Variants in DOCK11 observed in about 807,000 individuals in gnomAD.
DOCK11 encodes dedicator of cytokinesis 11.
In DOCK11, 70 loss-of-function variants were observed where a neutral mutation model predicts 169.1. That is an observed-to-expected ratio of 0.41 (90% confidence interval 0.34 to 0.51). The LOEUF is 0.51. DOCK11 is among the 20% of genes least tolerant of loss of function. The pLI is 0.10. For missense variants in DOCK11, 1,166 were observed against 1,538.8 expected, an observed-to-expected ratio of 0.76 and a Z score of 4.05; for synonymous variants, 529 against 541.3, an observed-to-expected ratio of 0.98 and a Z score of 0.32.
chrX:118,501,553 A>G lies in DOCK11; in HGVS notation c.102+5480A>G, dbSNP rs1381918020. The stretch of plus-strand genomic sequence containing the variant: ...CACAGTTCAAGTGCTCAATAGCCAC[A>G]TGTGGCTAGTGGCTACTATATTGGA... On this transcript the variant is annotated intron_variant, in intron 1 of 52. Coordinates refer to ENST00000276202, the MANE Select transcript of DOCK11 (RefSeq NM_144658.4). Among the ~76,000 whole-genome samples, 3 of 112,233 alleles carry G rather than the reference A, an allele frequency of 2.7e-5. No individual in the cohort carries two copies. The East Asian group carries it at 8.3e-4, about 31-fold the overall frequency.
chrX:118,500,682 G>A (rs1413899004), intron 1 of DOCK11, among the ~76,000 whole-genome samples: 2 of 110,738 alleles, frequency 1.8e-5, no homozygotes, highest in Admixed American at 9.6e-5. Flanking sequence ...GTGCAGTGGT[G>A]TAATCATGGC....
rs187810885 is a variant in DOCK11, at chrX:118,499,095, A to C, written c.102+3022A>C. ...GAGGGGATTGGGGAGAAACATTATA[A>C]CCTGAGAGTGTATGTGATTAAGAGA... is the stretch of plus-strand genomic sequence containing the variant. On this transcript the variant is annotated intron_variant, in intron 1 of 52. Coordinates refer to ENST00000276202, the MANE Select transcript of DOCK11 (RefSeq NM_144658.4). Among the ~76,000 whole-genome samples, 64 of 112,160 alleles carry C rather than the reference A, an allele frequency of 5.7e-4. No individual in the cohort carries two copies. The East Asian group carries it at 0.015, about 26-fold the overall frequency.
intron 1 of DOCK11, among the ~76,000 whole-genome samples, chrX:118,533,701 T>C (rs376264629): frequency 8.9e-6 from 1 of 112,608 alleles, no homozygotes; most frequent in East Asian, 2.8e-4. Context: ...ACCTATAGAA[T>C]GCCTGTGCAC....
intron 1 of DOCK11, among the ~76,000 whole-genome samples, chrX:118,532,068 AT>A (rs900092975): frequency 1.8e-5 from 2 of 109,200 alleles, no homozygotes; most frequent in African/African-American, 6.7e-5. Flanking sequence ...GAATATAAAG[AT>A]TATAGATAGG....
intron 16 of DOCK11, among the ~76,000 whole-genome samples, chrX:118,586,490 GA>G (rs1293417149): frequency 1.8e-5 from 2 of 111,099 alleles, no homozygotes; most frequent in African/African-American, 6.6e-5. Flanking sequence ...CAGCATGGGG[GA>G]AACCGCCCCA....
chrX:118,659,140 G>T (rs1458239424), intron 44 of DOCK11, among the ~76,000 whole-genome samples: 1 of 110,620 alleles, frequency 9.0e-6, no homozygotes, highest in Non-Finnish European at 1.9e-5. Context: ...TCCTTCTTCT[G>T]ACTGGCCATC....
intron 39 of DOCK11, among the ~76,000 whole-genome samples, chrX:118,641,602 T>G (rs17326758): frequency 0.098 from 10,901 of 111,183 alleles, 477 homozygotes; most frequent in South Asian, 0.15. Context: ...CCAGCAATTT[T>G]TAGCCCAAAA....
At chrX:118,534,120 G>T (rs6646229) in intron 1 of DOCK11, among the ~76,000 whole-genome samples, 53,092 of 110,600 alleles carry the variant, frequency 0.48, 9,509 homozygotes, top group African/African-American at 0.63. Flanking sequence ...CCTCTTTTGT[G>T]TTACTTTTGA....
chrX:118,656,311 T>A (rs901236367), intron 44 of DOCK11, among the ~76,000 whole-genome samples: 22 of 105,692 alleles, frequency 2.1e-4, no homozygotes, highest in Admixed American at 9.9e-5. Context: ...ATAAATTTTT[T>A]AAAAAAGATT....
chrX:118,498,238 A>G (rs753293397), intron 1 of DOCK11, among the ~76,000 whole-genome samples: 218 of 112,578 alleles, frequency 1.9e-3, no homozygotes, highest in Middle Eastern at 9.2e-3. Context: ...TGCCACACAC[A>G]ATGCTAGATG....
chrX:118,683,441 T>G (rs1177373971), intron 52 of DOCK11, among the ~76,000 whole-genome samples: 2 of 112,169 alleles, frequency 1.8e-5, no homozygotes, highest in African/African-American at 3.2e-5. Flanking sequence ...AACCATTTTG[T>G]TTTTTGTGCT....
At chrX:118,587,650 C>T (rs775774039) in intron 16 of DOCK11, among the ~76,000 whole-genome samples, 207 of 111,190 alleles carry the variant, frequency 1.9e-3, no homozygotes, top group African/African-American at 6.5e-3. Context: ...GGTAACACAT[C>T]GTAAGATCAA....
At chrX:118,610,245 C>CT in intron 27 of DOCK11, 27 bp from the exon 28 acceptor site, 8 of 1,208,398 alleles carry the variant, frequency 6.6e-6, no homozygotes, top group Non-Finnish European at 8.9e-6. Flanking sequence ...GGAAGTCTGA[C>CT]TTTTTTCTGT....
chrX:118,600,275 C>T (rs2014292319), intron 23 of DOCK11, among the ~76,000 whole-genome samples: 1 of 110,483 alleles, frequency 9.1e-6, no homozygotes, highest in Admixed American at 9.7e-5. Context: ...GACGTGGTGG[C>T]ATACGCCTGT....
chrX:118,544,645 C>CTTTTTTTTTTTTTTT lies in DOCK11; in HGVS notation c.393-660_393-646dup, dbSNP rs1157804079. ...TGCAAGAGCCAGAATTACACTGTTG[C>CTTTTTTTTTTTTTTT]TTTTTTTTTTTTTTTTTTTTTTTTT... On this transcript the variant is annotated intron_variant, in intron 4 of 52. Coordinates refer to ENST00000276202, the MANE Select transcript of DOCK11 (RefSeq NM_144658.4). Among the ~76,000 whole-genome samples the CTTTTTTTTTTTTTTT allele has an allele frequency of 1.4e-3, 32 of 23,363 alleles. 6 individuals carry two copies. The highest frequency in any genetic ancestry group is 2.0e-3 in the African/African-American group (11 of 5,543). 20.3% of individuals were successfully genotyped at this position (23,363 alleles called of 115,157 possible). A position where few individuals can be genotyped will look rare whatever the true frequency, so the allele number is the denominator to read the frequency against.
At chrX:118,505,851 T>TA (rs2057607642) in intron 1 of DOCK11, among the ~76,000 whole-genome samples, 1 of 112,482 alleles carries the variant, frequency 8.9e-6, no homozygotes, top group Non-Finnish European at 1.9e-5. Flanking sequence ...CAGAAGCACT[T>TA]ACCTTTATGC....
rs754844878 is a variant in DOCK11, at chrX:118,583,612, T to C, written c.1596-1123T>C. Reference sequence around the variant, plus strand: ...TAGCAGCAGAATAGTTGCTTAAAAATGGGAGAAGAGGAGGGGAAGGGAATA... The same window carrying C: ...TAGCAGCAGAATAGTTGCTTAAAAACGGGAGAAGAGGAGGGGAAGGGAATA... On this transcript the variant is annotated intron_variant, in intron 14 of 52. Coordinates refer to ENST00000276202, the MANE Select transcript of DOCK11 (RefSeq NM_144658.4). 3.6e-5 allele frequency among the ~76,000 whole-genome samples: 4 copies of C among 110,601 alleles called. No homozygotes were observed. The South Asian group carries it at 1.5e-3, about 43-fold the overall frequency.
intron 19 of DOCK11, 54 bp from the exon 20 acceptor site, chrX:118,593,160 A>G (rs201741386): frequency 1.6e-5 from 19 of 1,154,142 alleles, no homozygotes; most frequent in Admixed American, 2.5e-5. Context: ...CTAATGTCTG[A>G]CAGTTTCAGC....
chrX:118,617,102 A>G (rs757481268), intron 30 of DOCK11, among the ~76,000 whole-genome samples: 2 of 112,157 alleles, frequency 1.8e-5, no homozygotes, highest in East Asian at 5.6e-4. Context: ...TGAACAGGCC[A>G]AAAGAAAAAT....
Sources: gnomAD v4.1 joint callset for allele counts (sites outside exome capture counted in the v4.1 genomes callset) on GRCh38, gnomAD v4.1.1 for gene constraint, MANE v1.5 for transcripts, NCBI Gene and HGNC (gene_info 2026-07-23, HGNC 2026-07-21) for gene names.